TMPRSS9: variants seen among roughly 807,000 people sequenced by gnomAD.
TMPRSS9 encodes the protein transmembrane protease serine 9.
In TMPRSS9, 113 loss-of-function variants were observed where a neutral mutation model predicts 111.4. That is an observed-to-expected ratio of 1.01 (90% CI 0.87 to 1.19). The LOEUF (loss-of-function observed/expected upper bound fraction) is 1.19, where lower values mean the gene tolerates loss of function less well. Among genes scored for constraint, TMPRSS9 ranks in the 50% most tolerant of loss-of-function variants. TMPRSS9 has a pLI of 0.00. For missense variants in TMPRSS9, 1,803 were observed against 1,513.1 expected (o/e 1.19, Z -3.18); for synonymous variants, 805 against 659.1 (o/e 1.22, Z -3.39).
At chr19:2,419,521 CCTTTTTTTTTTTT>C (rs2145407993) in intron 13 of TMPRSS9, among the ~76,000 whole-genome samples, 1 of 146,626 alleles carries the variant, frequency 6.8e-6, no homozygotes, top group East Asian at 2.0e-4. Flanking sequence ...TTTTCTTTTT[CCTTTTTTTTTTTT>C]GAGATGGAGT....
chr19:2,391,813 C>G (rs1409498551), intron 1 of TMPRSS9, among the ~76,000 whole-genome samples: 1 of 149,406 alleles, frequency 6.7e-6, no homozygotes, highest in Non-Finnish European at 1.5e-5. Flanking sequence ...ACAATCTCAG[C>G]TCATCACAAC....
intron 13 of TMPRSS9, among the ~76,000 whole-genome samples, chr19:2,418,355 C>CTCCTTCCCTTTCCT (rs1971327083): frequency 1.5e-5 from 1 of 66,088 alleles, no homozygotes; most frequent in Non-Finnish European, 2.8e-5. Context: ...CTTTCCCTCC[C>CTCCTTCCCTTTCCT]TCCCTCCCTT....
intron 10 of TMPRSS9, 62 bp downstream of exon 11, chr19:2,414,080 G>T: frequency 7.0e-7 from 1 of 1,434,772 alleles, no homozygotes. Flanking sequence ...AGGGAGAACG[G>T]ATATCGTCAT....
At chr19:2,394,888 A>G (rs1568177278) in intron 1 of TMPRSS9, among the ~76,000 whole-genome samples, 1 of 151,668 alleles carries the variant, frequency 6.6e-6, no homozygotes, top group African/African-American at 2.4e-5. Flanking sequence ...TTTTATTTAG[A>G]TTTTTTTCTG....
chr19:2,385,173 G>GGGGGGGGGGCGGGGCTCGC (rs1568172942), upstream of TMPRSS9, among the ~76,000 whole-genome samples: 1 of 119,284 alleles, frequency 8.4e-6, no homozygotes, highest in African/African-American at 5.2e-5. Context: ...CGGGGCTCGC[G>GGGGGGGGGGCGGGGCTCGC]GGGGGCGGGG....
exon 3 of TMPRSS9, chr19:2,398,861 A>G (rs1039570038): frequency 5.3e-6 from 8 of 1,523,414 alleles, no homozygotes; most frequent in Middle Eastern, 3.4e-4. Flanking sequence ...ACTGAATTAT[A>G]GGTGAGTTGG....
At chr19:2,408,489 G>C (rs1220106019) in exon 8 of TMPRSS9, 1 of 1,613,936 alleles carries the variant, frequency 6.2e-7, no homozygotes, top group Non-Finnish European at 8.5e-7. Flanking sequence ...GGCCGACTTT[G>C]ACGTGGCTGT....
chr19:2,416,883 A>G (rs988809725), intron 12 of TMPRSS9, 74 bp downstream of exon 13: 1 of 1,508,914 alleles, frequency 6.6e-7, no homozygotes, highest in Non-Finnish European at 8.9e-7. Flanking sequence ...CAGGATGGGC[A>G]TCTCTTACCT....
At chr19:2,419,169 T>TC in intron 13 of TMPRSS9, among the ~76,000 whole-genome samples, 1 of 109,924 alleles carries the variant, frequency 9.1e-6, no homozygotes, top group Non-Finnish European at 1.8e-5. Flanking sequence ...TACCTTTCCT[T>TC]CCTTTCCTTT....
rs533161622 is a variant in TMPRSS9 at position 2,408,307 on chromosome 19, C to T, written c.843-49C>T. 1.8e-5 allele frequency: 28 copies of T among 1,588,244 alleles called. No homozygotes were observed. The East Asian group carries it at 2.0e-4, about 12-fold the overall frequency. ...AGGCGAGTGTCCCGTCTGCCTCCCC[C>T]GACGGCTCTGACCCTCGGTGGCTTC... On this transcript the variant is annotated intron_variant, in intron 7 of 17. Transcript: ENST00000648592.
chr19:2,424,748 G>A (rs1971564040), intron 15 of TMPRSS9, among the ~76,000 whole-genome samples: 1 of 152,146 alleles, frequency 6.6e-6, no homozygotes, highest in Admixed American at 6.5e-5. Context: ...GAAGGGGAGG[G>A]CAGGCGGGGG....
intron 6 of TMPRSS9, 25 bp downstream of exon 7, chr19:2,403,220 C>T (rs200806579): frequency 1.9e-6 from 3 of 1,555,976 alleles, no homozygotes; most frequent in Non-Finnish European, 2.6e-6. Flanking sequence ...CTGGCCTGGT[C>T]TCTGGGCCCC....
At chr19:2,382,994 C>T (rs570726986) in intron 1 of TMPRSS9, among the ~76,000 whole-genome samples, 5 of 152,268 alleles carry the variant, frequency 3.3e-5, no homozygotes, top group South Asian at 4.1e-4. Flanking sequence ...TTAAGGCCTT[C>T]GACTGATTGG....
At chr19:2,426,110 CGA>C (rs1971623225) in exon 18 of TMPRSS9, 1 of 1,588,446 alleles carries the variant, frequency 6.3e-7, no homozygotes, top group Non-Finnish European at 8.6e-7. Flanking sequence ...CTGCCCAGGC[CGA>C]GACTCTACGT....
At chr19:2,371,855 C>G (rs1427381516) in intron 1 of TMPRSS9, among the ~76,000 whole-genome samples, 3 of 152,198 alleles carry the variant, frequency 2.0e-5, no homozygotes, top group Non-Finnish European at 4.4e-5. Flanking sequence ...TTCCTGCCTC[C>G]CGCCTGGGCC....
chr19:2,403,269 G>T, intron 6 of TMPRSS9, 74 bp downstream of exon 7: 2 of 1,278,552 alleles, frequency 1.6e-6, no homozygotes. Flanking sequence ...CTGGTCTGTG[G>T]TCACTGTGCT....
rs369734929 is a variant in TMPRSS9, at chr19:2,422,200, C to G, written c.2501C>G (p.Thr834Arg). The change falls in exon 14 of 18, where the codon ACG (threonine) becomes AGG (arginine). Residue 834 changes from threonine (T) to arginine (R), a missense_variant. Transcript: ENST00000648592. ...GTGAGCACCACTGCTAGGGGACAGA[C>G]GCCATTTCCAGACGCCCCGGAGGCC... 4 of 1,531,410 alleles carry G rather than the reference C, an allele frequency of 2.6e-6. No individual in the cohort carries two copies. The African/African-American group carries it at 4.1e-5, about 16-fold the overall frequency. The allele number at this position is 1,531,410 out of a possible 1,614,324, so 94.9% of individuals were successfully genotyped here.
chr19:2,408,235 AT>A, intron 7 of TMPRSS9, 120 bp from the exon 9 acceptor site: 1 of 948,142 alleles, frequency 1.1e-6, no homozygotes, highest in Non-Finnish European at 1.6e-6. Context: ...TATAAATACT[AT>A]TCATAAATAT....
In TMPRSS9 at chr19:2,379,667, TTCTTTCTTTC is replaced by T. The variant is rs1188353707; in HGVS notation, c.-25-10088_-25-10079del. 1.7e-3 allele frequency among the ~76,000 whole-genome samples: 260 copies of T among 149,356 alleles called. 4 individuals are homozygous for T. Among genetic ancestry groups the T allele is most frequent in the African/African-American group, 6.0e-3 (239 of 40,020 alleles). On this transcript the variant is annotated intron_variant, in intron 1 of 17. Coordinates refer to the TMPRSS9 transcript ENST00000649857. ...TTTCTTTCTTTCTTTCTTTCTTTCT[TTCTTTCTTTC>T]TCTTTTTCTTTCTTTCCTTCCTTCC...
Sources: allele counts gnomAD v4.1 joint callset (sites outside exome capture counted in the v4.1 genomes callset), GRCh38; gene constraint gnomAD v4.1.1; transcripts MANE v1.5; gene names NCBI Gene and HGNC (gene_info 2026-07-23, HGNC 2026-07-21).